CIDEA: variants seen among roughly 807,000 people sequenced by gnomAD.
The protein encoded by CIDEA is cell death inducing DFFA like effector a, also known as lipid transferase CIDEA.
Under a neutral mutation model 18.2 loss-of-function variants are expected in CIDEA, and 10 were observed. The ratio of observed to expected loss-of-function variants is 0.55; its 90% CI spans 0.34 to 0.93. The LOEUF is 0.93. CIDEA is among the 40% of genes least tolerant of loss of function. The pLI is 0.02. For synonymous variants in CIDEA, 128 were observed against 124.8 expected (o/e 1.03, Z -0.17); for missense variants, 309 against 293.1 (o/e 1.05, Z -0.40).
chr18:12,259,983 C>T (rs1331198897), intron 1 of CIDEA, among the ~76,000 whole-genome samples: 1 of 152,228 alleles, frequency 6.6e-6, no homozygotes, highest in Non-Finnish European at 1.5e-5. Context: ...GCCAAGGATA[C>T]TCCAGACCAA....
At position 12,270,688 on chromosome 18, in the gene CIDEA, C is replaced by CAAAAAAAAAAAAAAAAAAAAAAA. The variant is rs68102741; in HGVS notation, c.331-3399_331-3377dup. Among the ~76,000 whole-genome samples, 14 of 72,804 alleles carry CAAAAAAAAAAAAAAAAAAAAAAA rather than the reference C, an allele frequency of 1.9e-4. 1 individual carries two copies. The highest frequency in any genetic ancestry group is 8.4e-4 in the African/African-American group (10 of 11,928). The allele number at this position is 72,804 out of a possible 152,430, so 47.8% of individuals were successfully genotyped here. Reference sequence around the variant, plus strand: ...GGCGACAGAGCAAGACTCCGTCTCACAAAAAAAAAAAAAAAAAAAAAAAAA... The same window carrying CAAAAAAAAAAAAAAAAAAAAAAA: ...GGCGACAGAGCAAGACTCCGTCTCACAAAAAAAAAAAAAAAAAAAAAAAAAAAAAAAAAAAAAAAAAAAAAAAA... On this transcript the variant is annotated intron_variant, in intron 3 of 4. Coordinates refer to ENST00000320477, the MANE Select transcript of CIDEA (RefSeq NM_001279.4).
chr18:12,264,014 A>G (rs891269950), intron 2 of CIDEA: 3 of 240,314 alleles, frequency 1.2e-5, no homozygotes, highest in African/African-American at 6.7e-5. Flanking sequence ...TGGCAGGAAG[A>G]TTGCTTGAGC....
intron 3 of CIDEA, among the ~76,000 whole-genome samples, chr18:12,270,298 A>G (rs1912475889): frequency 6.6e-6 from 1 of 151,920 alleles, no homozygotes. Context: ...TTATACATAT[A>G]CATATATATT....
At chr18:12,269,365 C>G (rs986570489) in intron 3 of CIDEA, among the ~76,000 whole-genome samples, 1 of 152,132 alleles carries the variant, frequency 6.6e-6, no homozygotes, top group Non-Finnish European at 1.5e-5. Context: ...ATTCAGATAA[C>G]TGAGGATATT....
At position 12,259,981 on chromosome 18, in the gene CIDEA, T is replaced by C. The variant is rs1598774586; in HGVS notation, c.39-2844T>C. ...GCCCTGATGTCATCCTGGCCAAGGA[T>C]ACTCCAGACCAAATTCTTGCCAATG... On this transcript the variant is annotated intron_variant, in intron 1 of 4. Transcript: ENST00000320477. Among the ~76,000 whole-genome samples the C allele has an allele frequency of 2.0e-5, 3 of 152,206 alleles. No individual in the cohort carries two copies. The East Asian group carries it at 5.8e-4, about 29-fold the overall frequency.
intron 1 of CIDEA, among the ~76,000 whole-genome samples, chr18:12,259,733 C>A (rs755202857): frequency 1.9e-4 from 29 of 152,026 alleles, no homozygotes; most frequent in Non-Finnish European, 4.1e-4. Flanking sequence ...TGGTAGCGGG[C>A]GCCTGTAACC....
chr18:12,277,386 G>A lies in CIDEA; in HGVS notation c.*116G>A, dbSNP rs1378839592. On this transcript the variant is annotated 3_prime_UTR_variant, in exon 5 of 5. Transcript: ENST00000320477. The stretch of plus-strand genomic sequence containing the variant: ...CATGCACTTGGAGGCCGCTGGTCAC[G>A]CTGCTCAGGAGTGGTGCCCAGAAAA... 1.5e-5 allele frequency: 18 copies of A among 1,169,292 alleles called. No homozygotes were observed. Among genetic ancestry groups the A allele is most frequent in the Middle Eastern group, 2.2e-4 (1 of 4,462 alleles). The allele number at this position is 1,169,292 out of a possible 1,614,324, so 72.4% of individuals were successfully genotyped here.
At chr18:12,272,803 G>T (rs1295787167) in intron 3 of CIDEA, among the ~76,000 whole-genome samples, 1 of 151,788 alleles carries the variant, frequency 6.6e-6, no homozygotes, top group Admixed American at 6.6e-5. Context: ...AGTCTGGAGG[G>T]CAGTAGCACA....
chr18:12,271,302 G>A (rs922494534), intron 3 of CIDEA, among the ~76,000 whole-genome samples: 4 of 152,198 alleles, frequency 2.6e-5, no homozygotes, highest in Admixed American at 6.5e-5. Flanking sequence ...GGTAGAGGCC[G>A]AAGTCTTCAC....
At chr18:12,255,459 A>G (rs1912005792) in intron 1 of CIDEA, among the ~76,000 whole-genome samples, 1 of 152,206 alleles carries the variant, frequency 6.6e-6, no homozygotes, top group Non-Finnish European at 1.5e-5. Flanking sequence ...CTTTAAAAAT[A>G]AGCCCACAGT....
intron 3 of CIDEA, among the ~76,000 whole-genome samples, chr18:12,269,519 C>CTAGT (rs1912453353): frequency 6.6e-6 from 1 of 152,318 alleles, no homozygotes; most frequent in East Asian, 1.9e-4. Context: ...ATCCATCAGT[C>CTAGT]CGTCTTCCAT....
At chr18:12,274,665 A>G (rs1912656053) in intron 4 of CIDEA, among the ~76,000 whole-genome samples, 1 of 152,188 alleles carries the variant, frequency 6.6e-6, no homozygotes, top group South Asian at 2.1e-4. Flanking sequence ...ACGCCTTTGC[A>G]TGTATCTCCT....
chr18:12,275,884 G>T lies in CIDEA; in HGVS notation c.513-1239G>T, dbSNP rs180728930. On this transcript the variant is annotated intron_variant, in intron 4 of 4. Coordinates refer to ENST00000320477, the MANE Select transcript of CIDEA (RefSeq NM_001279.4). The stretch of plus-strand genomic sequence containing the variant: ...GTTAGGAGAAAATAGCTTTACACTT[G>T]GATTTTAAAAGTTAGGCAAGAGAGT... Among the ~76,000 whole-genome samples the T allele has an allele frequency of 2.1e-4, 32 of 152,106 alleles. No homozygotes were observed. In the East Asian group the frequency reaches 3.7e-3, roughly 17 times the overall value.
chr18:12,274,357 T>G, intron 4 of CIDEA, 83 bp downstream of exon 4: 1 of 1,387,514 alleles, frequency 7.2e-7, no homozygotes, highest in Non-Finnish European at 1.0e-6. Flanking sequence ...CCTGTTCCTC[T>G]GGGCTCCCAG....
chr18:12,258,936 G>A (rs543204546), intron 1 of CIDEA, among the ~76,000 whole-genome samples: 144 of 152,308 alleles, frequency 9.5e-4, no homozygotes, highest in African/African-American at 3.3e-3. Context: ...AACACAGCCC[G>A]TCCTCACCGC....
chr18:12,274,095 C>G lies in CIDEA; in HGVS notation c.333C>G (p.Gly111=). ...ILEKGQKWMP[G]SQHVPTCSPP... ...TGCCCCTCCCCCCATTGTCACAGGGCAGCCAGCACGTCCCCACTTGCTCGC... is the reference window on the plus strand; with the variant it reads ...TGCCCCTCCCCCCATTGTCACAGGGGAGCCAGCACGTCCCCACTTGCTCGC... Residue 111 remains glycine (G), a splice_region_variant and synonymous_variant, in exon 4 of 5, where the codon GGC becomes GGG. Coordinates refer to ENST00000320477, the MANE Select transcript of CIDEA (RefSeq NM_001279.4). 1 of 1,614,096 alleles carries G rather than the reference C, an allele frequency of 6.2e-7. No homozygotes were observed. The highest frequency in any genetic ancestry group is 8.5e-7 in the Non-Finnish European group (1 of 1,179,980).
In CIDEA at chr18:12,262,820, T is replaced by G; in HGVS notation, c.39-5T>G. 6.2e-7 allele frequency: 1 copy of G among 1,609,436 alleles called. No individual in the cohort carries two copies. The highest frequency in any genetic ancestry group is 8.5e-7 in the Non-Finnish European group (1 of 1,176,058). On this transcript the variant is annotated splice_polypyrimidine_tract_variant and splice_region_variant and intron_variant, in intron 1 of 4. Coordinates refer to ENST00000320477, the MANE Select transcript of CIDEA (RefSeq NM_001279.4). ...AAAAGTTTTACTTTTCACCTCCATT[T>G]TCAGGCCCCTGACATTTATGGGATC...
chr18:12,275,095 A>G (rs1368588575), intron 4 of CIDEA, among the ~76,000 whole-genome samples: 1 of 152,242 alleles, frequency 6.6e-6, no homozygotes, highest in African/African-American at 2.4e-5. Context: ...GGCCAAGGTC[A>G]GCAGATCACT....
At chr18:12,270,491 C>A (rs1287405505) in intron 3 of CIDEA, among the ~76,000 whole-genome samples, 3 of 151,966 alleles carry the variant, frequency 2.0e-5, no homozygotes, top group African/African-American at 7.3e-5. Context: ...GAGTTCAAGA[C>A]CAGCCTGGCC....
Sources: gnomAD v4.1 joint callset for allele counts (sites outside exome capture counted in the v4.1 genomes callset) on GRCh38, gnomAD v4.1.1 for gene constraint, MANE v1.5 for transcripts, NCBI Gene and HGNC (gene_info 2026-07-23, HGNC 2026-07-21) for gene names.